FHIT: variants seen among roughly 807,000 people sequenced by gnomAD.
FHIT encodes bis(5'-adenosyl)-triphosphatase.
In FHIT, 19 loss-of-function variants were observed where a neutral mutation model predicts 17.9. That is an observed-to-expected ratio of 1.06 (90% CI 0.74 to 1.56). FHIT has a LOEUF of 1.56. FHIT is among the 40% of genes most tolerant of loss of function. FHIT has a pLI of 0.00. For missense variants in FHIT, 248 were observed against 189.2 expected, an observed-to-expected ratio of 1.31 and a Z score of -1.82; for synonymous variants, 81 against 69.7, an observed-to-expected ratio of 1.16 and a Z score of -0.81.
intron 7 of FHIT, among the ~76,000 whole-genome samples, chr3:59,971,534 A>C (rs1708183346): frequency 6.6e-6 from 1 of 152,186 alleles, no homozygotes; most frequent in African/African-American, 2.4e-5. Context: ...CAATTGAAGA[A>C]TTTAAGGGAC....
At chr3:60,839,543 A>T (rs2106855082) in intron 3 of FHIT, among the ~76,000 whole-genome samples, 1 of 152,306 alleles carries the variant, frequency 6.6e-6, no homozygotes, top group Admixed American at 6.5e-5. Flanking sequence ...CTTAATGTAT[A>T]TTTTGCATTA....
chr3:61,035,007 C>G (rs1013674000), intron 3 of FHIT, among the ~76,000 whole-genome samples: 6 of 152,128 alleles, frequency 3.9e-5, no homozygotes, highest in Non-Finnish European at 1.5e-5. Context: ...CTGGGTGAAC[C>G]TTGAAAACAT....
chr3:60,596,648 G>A (rs1256996865), intron 4 of FHIT, among the ~76,000 whole-genome samples: 1 of 152,024 alleles, frequency 6.6e-6, no homozygotes, highest in Non-Finnish European at 1.5e-5. Flanking sequence ...ACTTCTCACT[G>A]GGACTGTAAG....
At chr3:60,111,352 G>A (rs1037996786) in intron 5 of FHIT, among the ~76,000 whole-genome samples, 1 of 152,066 alleles carries the variant, frequency 6.6e-6, no homozygotes, top group Non-Finnish European at 1.5e-5. Context: ...TGCCCCTCTG[G>A]TAAGACAAAC....
chr3:60,961,395 T>A (rs1553780756), intron 3 of FHIT, among the ~76,000 whole-genome samples: 1 of 152,264 alleles, frequency 6.6e-6, no homozygotes, highest in African/African-American at 2.4e-5. Flanking sequence ...TTCACTCTGA[T>A]GGTAGTTTCT....
chr3:60,046,806 C>A (rs934528424), intron 5 of FHIT, among the ~76,000 whole-genome samples: 2 of 152,188 alleles, frequency 1.3e-5, no homozygotes, highest in Non-Finnish European at 2.9e-5. Flanking sequence ...TCAGCCCAAG[C>A]TTTCTGATGC....
At chr3:60,181,952 G>T (rs756103897) in intron 5 of FHIT, among the ~76,000 whole-genome samples, 2 of 152,048 alleles carry the variant, frequency 1.3e-5, no homozygotes, top group Non-Finnish European at 2.9e-5. Flanking sequence ...AAACAAATCC[G>T]AAATATGCAA....
chr3:59,776,846 C>T lies in FHIT; in HGVS notation c.349-24525G>A, dbSNP rs114124227. Among the ~76,000 whole-genome samples the T allele has an allele frequency of 3.9e-3, 591 of 152,266 alleles. 3 individuals carry two copies. Among genetic ancestry groups the T allele is most frequent in the African/African-American group, 0.013 (559 of 41,546 alleles). On this transcript the variant is annotated intron_variant, in intron 8 of 9. Coordinates refer to ENST00000492590, the MANE Select transcript of FHIT (RefSeq NM_002012.4). Reference sequence around the variant, plus strand: ...TATTACAGATGAGGAAATTAAGGCACAAACAGGTGACCTGGCCCAGTAAGT... The same window carrying T: ...TATTACAGATGAGGAAATTAAGGCATAAACAGGTGACCTGGCCCAGTAAGT...
chr3:60,319,783 A>G (rs1214200815), intron 5 of FHIT, among the ~76,000 whole-genome samples: 1 of 152,144 alleles, frequency 6.6e-6, no homozygotes, highest in Non-Finnish European at 1.5e-5. Context: ...TGTAATTACC[A>G]TAGTTCGTTT....
rs778167289 is a variant in FHIT, at chr3:60,536,845, A to T, written c.103+15T>A. 5 of 1,575,368 alleles carry T rather than the reference A, an allele frequency of 3.2e-6. No homozygotes were observed. In the East Asian group the frequency reaches 1.1e-4, roughly 35 times the overall value. On this transcript the variant is annotated intron_variant, in intron 5 of 9. Coordinates refer to ENST00000492590, the MANE Select transcript of FHIT (RefSeq NM_002012.4). ...ACTTTTATTTTCCCTCTCCAAAAAA[A>T]AAAAGAAAGGATACGTCCTGGTACC...
chr3:60,977,739 C>A (rs556670078), intron 3 of FHIT, among the ~76,000 whole-genome samples: 1 of 152,096 alleles, frequency 6.6e-6, no homozygotes, highest in Non-Finnish European at 1.5e-5. Flanking sequence ...GGTGTGGTGG[C>A]GCATGCCTGT....
At chr3:60,495,382 T>C (rs2107510881) in intron 5 of FHIT, among the ~76,000 whole-genome samples, 1 of 152,306 alleles carries the variant, frequency 6.6e-6, no homozygotes, top group South Asian at 2.1e-4. Flanking sequence ...ATTTCCCAAC[T>C]GTTTTCTATT....
At position 60,415,186 on chromosome 3, in the gene FHIT, T is replaced by C. The variant is rs79807767; in HGVS notation, c.103+121674A>G. ...ATGGATAATCTCTTATGGATTTTGA[T>C]AGAGATAATTGAAGTTTTACTATGT... is the stretch of plus-strand genomic sequence containing the variant. On this transcript the variant is annotated intron_variant, in intron 5 of 9. Transcript: ENST00000492590. Among the ~76,000 whole-genome samples the C allele has an allele frequency of 2.1e-3, 315 of 152,304 alleles. 10 individuals carry two copies. In the South Asian group the frequency reaches 0.039, roughly 19 times the overall value.
intron 3 of FHIT, among the ~76,000 whole-genome samples, chr3:60,837,446 T>A (rs2106845285): frequency 6.6e-6 from 1 of 152,298 alleles, no homozygotes; most frequent in South Asian, 2.1e-4. Flanking sequence ...TTGATTAAAG[T>A]TTGCATGATA....
At chr3:60,732,138 T>C in intron 4 of FHIT, 1 of 747,972 alleles carries the variant, frequency 1.3e-6, no homozygotes, top group South Asian at 1.5e-5. Context: ...AAAACACAAG[T>C]CAAACTTAGT....
chr3:60,646,934 C>A (rs1301087003), intron 4 of FHIT, among the ~76,000 whole-genome samples: 4 of 152,204 alleles, frequency 2.6e-5, no homozygotes, highest in Non-Finnish European at 4.4e-5. Flanking sequence ...GCAATGCTAT[C>A]ATTCAGCAAT....
intron 5 of FHIT, among the ~76,000 whole-genome samples, chr3:60,486,956 C>T (rs1272857647): frequency 2.0e-5 from 3 of 152,138 alleles, no homozygotes; most frequent in Non-Finnish European, 4.4e-5. Context: ...ACTGTTTAGA[C>T]ACTGTCAAAT....
At chr3:60,995,255 G>A (rs2030577854) in intron 3 of FHIT, among the ~76,000 whole-genome samples, 1 of 152,144 alleles carries the variant, frequency 6.6e-6, no homozygotes, top group African/African-American at 2.4e-5. Context: ...GGGAGGCGGA[G>A]CTTGCAGTGA....
intron 3 of FHIT, among the ~76,000 whole-genome samples, chr3:60,877,367 C>A (rs1704714732): frequency 1.3e-5 from 2 of 152,194 alleles, no homozygotes; most frequent in Admixed American, 1.3e-4. Context: ...TACCTGCCCT[C>A]CCTCACCTTC....
Sources: gnomAD v4.1 joint callset for allele counts (sites outside exome capture counted in the v4.1 genomes callset) on GRCh38, gnomAD v4.1.1 for gene constraint, MANE v1.5 for transcripts, NCBI Gene and HGNC (gene_info 2026-07-23, HGNC 2026-07-21) for gene names.